Variants in ACTN4 observed in about 807,000 individuals in gnomAD.
The protein encoded by ACTN4 is alpha-actinin-4.
ACTN4 carries 18 observed loss-of-function variants against 114.2 expected under a neutral mutation model. The ratio of observed to expected loss-of-function variants is 0.16; its 90% confidence interval spans 0.11 to 0.23. The LOEUF (loss-of-function observed/expected upper bound fraction) is 0.23. Among genes scored for constraint, ACTN4 ranks in the 10% least tolerant of loss-of-function variants. ACTN4 has a pLI of 1.00. For synonymous variants in ACTN4, 515 were observed against 506.3 expected, an observed-to-expected ratio of 1.02 and a Z score of -0.23; for missense variants, 722 against 1,262.9, an observed-to-expected ratio of 0.57 and a Z score of 6.49.
chr19:38,700,926 G>GCCTCTCTCCCTCTCGC, intron 2 of ACTN4, 76 bp from the exon 3 acceptor site: 5 of 1,582,314 alleles, frequency 3.2e-6, no homozygotes, highest in Non-Finnish European at 4.3e-6. Context: ...AGACTCTAAA[G>GCCTCTCTCCCTCTCGC]CCTCTCTCCC....
intron 1 of ACTN4, among the ~76,000 whole-genome samples, chr19:38,661,870 T>G (rs1359556686): frequency 6.6e-6 from 1 of 152,184 alleles, no homozygotes; most frequent in Non-Finnish European, 1.5e-5. Flanking sequence ...ACCAGGATGG[T>G]CTTGATCTCC....
chr19:38,704,298 C>G (rs917620960), intron 3 of ACTN4, among the ~76,000 whole-genome samples: 3 of 152,192 alleles, frequency 2.0e-5, no homozygotes, highest in Non-Finnish European at 4.4e-5. Flanking sequence ...CAGACCCTGT[C>G]TCAAAAGAAG....
chr19:38,659,365 A>T (rs1393470284), intron 1 of ACTN4, among the ~76,000 whole-genome samples: 3 of 151,884 alleles, frequency 2.0e-5, no homozygotes, highest in Non-Finnish European at 4.4e-5. Context: ...CCCCTTTGTA[A>T]CTTTCATTAA....
chr19:38,729,103 G>A lies in ACTN4; in HGVS notation c.2526G>A (p.Thr842=), dbSNP rs375763862. The change falls in exon 20 of 21, where the codon ACG becomes ACA. Residue 842 remains threonine (T), a synonymous_variant. Transcript: ENST00000252699. ...IDFMSRETTD[T]DTADQVIASF... is the part of the protein sequence containing the mutation. ...TCATGTCGCGGGAGACCACCGACACGGACACGGCTGACCAGGTCATCGCTT... is the reference window on the plus strand; with the variant it reads ...TCATGTCGCGGGAGACCACCGACACAGACACGGCTGACCAGGTCATCGCTT... 9.3e-6 allele frequency: 15 copies of A among 1,613,252 alleles called. No homozygotes were observed. Among genetic ancestry groups the A allele is most frequent in the Admixed American group, 6.7e-5 (4 of 59,998 alleles).
intron 1 of ACTN4, among the ~76,000 whole-genome samples, chr19:38,652,781 G>A (rs1291856656): frequency 1.3e-5 from 2 of 152,146 alleles, no homozygotes; most frequent in Non-Finnish European, 2.9e-5. Context: ...CAGTCAGGGA[G>A]GTCAGTTAAA....
rs1195466313 is a variant in ACTN4 at position 38,727,277 on chromosome 19, C to G, written c.2337+174C>G. Among the ~76,000 whole-genome samples the G allele has an allele frequency of 6.6e-6, 1 of 152,134 alleles. No individual in the cohort carries two copies. Among genetic ancestry groups the G allele is most frequent in the Non-Finnish European group, 1.5e-5 (1 of 67,986 alleles). ...AGGGTGTAGGTGTGCGGCACCAAGA[C>G]CCCAGCCTGGGCCACTTCACACGCA... On this transcript the variant is annotated intron_variant, in intron 18 of 20. Coordinates refer to ENST00000252699, the MANE Select transcript of ACTN4 (RefSeq NM_004924.6). This position sits in a 1 kb window ranked among gnomAD's most constrained non-coding sequence, Gnocchi z 5.4.
chr19:38,725,603 AGGCCCCAGGCCAAAGG>A, intron 16 of ACTN4, 105 bp from the exon 17 acceptor site: 1 of 1,126,500 alleles, frequency 8.9e-7, no homozygotes, highest in Non-Finnish European at 1.3e-6. Context: ...CCATGGGCCA[AGGCCCCAGGCCAAAGG>A]GGCCCCGGGG....
chr19:38,730,040 GC>G lies in ACTN4; in HGVS notation c.*612del, dbSNP rs890576100. On this transcript the variant is annotated 3_prime_UTR_variant, in exon 21 of 21. Transcript: ENST00000252699. ...CCCTGAACCGCACCCCATCCCACCA[GC>G]CCCGGCCTTGCTTTGTCTGGCCTCA... 1.1e-4 allele frequency: 19 copies of G among 171,858 alleles called. No homozygotes were observed. Among genetic ancestry groups the G allele is most frequent in the Non-Finnish European group, 1.9e-4 (16 of 82,554 alleles). 10.6% of individuals were successfully genotyped at this position (171,858 alleles called of 1,614,324 possible).
chr19:38,727,500 T>C lies in ACTN4; in HGVS notation c.2337+397T>C, dbSNP rs1408817338. Among the ~76,000 whole-genome samples, 1 of 152,154 alleles carries C rather than the reference T, an allele frequency of 6.6e-6. No individual in the cohort carries two copies. The highest frequency in any genetic ancestry group is 1.5e-5 in the Non-Finnish European group (1 of 68,012). On this transcript the variant is annotated intron_variant, in intron 18 of 20. Coordinates refer to ENST00000252699, the MANE Select transcript of ACTN4 (RefSeq NM_004924.6). The surrounding 1 kb of genome is among the most constrained non-coding windows in gnomAD (Gnocchi z 5.4). ...AGGGGCCCTGAGCGCCAGAGTTTGC[T>C]GCCATCCCCAGCCCACCCCTGCCGG... is the stretch of plus-strand genomic sequence containing the variant.
At chr19:38,688,730 A>G (rs972693256) in intron 1 of ACTN4, among the ~76,000 whole-genome samples, 13 of 144,988 alleles carry the variant, frequency 9.0e-5, no homozygotes, top group Admixed American at 6.9e-5. Context: ...CCAACCCTAA[A>G]ACAAAAAAAA....
chr19:38,682,332 G>A (rs1416329109), intron 1 of ACTN4, among the ~76,000 whole-genome samples: 1 of 151,926 alleles, frequency 6.6e-6, no homozygotes. Flanking sequence ...GAGCTACCAT[G>A]CCCTGTCTCT....
chr19:38,673,680 A>AC (rs1568690689), intron 1 of ACTN4, among the ~76,000 whole-genome samples: 3 of 103,478 alleles, frequency 2.9e-5, no homozygotes, highest in Non-Finnish European at 5.3e-5. Flanking sequence ...ATATTTATAT[A>AC]TTTATATATA....
intron 9 of ACTN4, among the ~76,000 whole-genome samples, chr19:38,716,042 C>T (rs1038847659): frequency 6.6e-6 from 1 of 152,204 alleles, no homozygotes; most frequent in Non-Finnish European, 1.5e-5. Flanking sequence ...GCTGGGATTA[C>T]AGGCGCGCAC....
At chr19:38,672,996 G>A (rs894809138) in intron 1 of ACTN4, among the ~76,000 whole-genome samples, 2 of 147,432 alleles carry the variant, frequency 1.4e-5, no homozygotes, top group Non-Finnish European at 3.0e-5. Context: ...AGGCTGGAGT[G>A]CAGTGGCACA....
intron 1 of ACTN4, among the ~76,000 whole-genome samples, chr19:38,699,150 T>C (rs1239688706): frequency 2.0e-5 from 3 of 152,192 alleles, no homozygotes; most frequent in Non-Finnish European, 4.4e-5. Flanking sequence ...TGAAGGCGCC[T>C]GGGCGTGTTG....
chr19:38,698,659 C>T (rs1042464345), intron 1 of ACTN4, among the ~76,000 whole-genome samples: 3 of 152,096 alleles, frequency 2.0e-5, no homozygotes, highest in African/African-American at 7.2e-5. Flanking sequence ...CATGGCGGGG[C>T]GGAGGTATCT....
At chr19:38,726,932 C>T (rs375444554) in intron 17 of ACTN4, 25 bp from the exon 18 acceptor site, 30 of 1,613,026 alleles carry the variant, frequency 1.9e-5, no homozygotes, top group African/African-American at 1.3e-4. Context: ...ACCCGGCCCA[C>T]GATCACGCCC....
At position 38,721,665 on chromosome 19, in the gene ACTN4, C is replaced by T. The variant is rs746743503; in HGVS notation, c.1419C>T (p.Ile473=). 1.5e-5 allele frequency: 24 copies of T among 1,613,610 alleles called. No individual in the cohort carries two copies. Among genetic ancestry groups the T allele is most frequent in the Admixed American group, 3.3e-5 (2 of 60,010 alleles). ...LAAHQDRVEQ[I]AAIAQELNEL... is the part of the protein sequence containing the mutation. ...CGCACCAGGACCGCGTGGAGCAGAT[C>T]GCCGCCATTGCCCAGGAGCTCAAGT... Residue 473 remains isoleucine, a synonymous_variant, in exon 12 of 21, where the codon ATC becomes ATT. Transcript: ENST00000252699.
intron 1 of ACTN4, among the ~76,000 whole-genome samples, chr19:38,694,888 G>A (rs1014142903): frequency 4.6e-5 from 7 of 151,898 alleles, no homozygotes; most frequent in East Asian, 1.9e-4. Flanking sequence ...GCGGGGGGGC[G>A]GGTTGAGACA....
Sources: gnomAD v4.1 joint callset for allele counts (sites outside exome capture counted in the v4.1 genomes callset) on GRCh38, gnomAD v4.1.1 for gene constraint, Gnocchi (gnomAD v3.1) non-coding constraint, MANE v1.5 for transcripts, NCBI Gene and HGNC (gene_info 2026-07-23, HGNC 2026-07-21) for gene names.